The following CGGBP1 variants were observed in gnomAD, a reference collection of about 807,000 sequenced individuals.
The protein encoded by CGGBP1 is CGG triplet repeat binding protein 1.
A neutral mutation model predicts 11.4 loss-of-function variants in CGGBP1; 4 were observed. That is an observed-to-expected ratio of 0.35 (90% CI 0.17 to 0.80). CGGBP1 has a LOEUF of 0.80. Among genes scored for constraint, CGGBP1 ranks in the 30% least tolerant of loss-of-function variants. CGGBP1 has a pLI of 0.52. For synonymous variants in CGGBP1, 76 were observed against 74.1 expected, an observed-to-expected ratio of 1.03 and a Z score of -0.13; for missense variants, 135 against 202.1, an observed-to-expected ratio of 0.67 and a Z score of 2.01.
chr3:88,079,629 A>G (rs892461864), intron 2 of CGGBP1, among the ~76,000 whole-genome samples: 2 of 152,030 alleles, frequency 1.3e-5, no homozygotes, highest in Non-Finnish European at 2.9e-5. Flanking sequence ...TGATACTGTA[A>G]TGGGTATTTT....
intron 2 of CGGBP1, among the ~76,000 whole-genome samples, chr3:88,067,622 A>T (rs1707274987): frequency 6.6e-6 from 1 of 152,236 alleles, no homozygotes; most frequent in Non-Finnish European, 1.5e-5. Context: ...ACAAAAGGCA[A>T]GGAAAGAGAA....
chr3:88,072,784 C>T (rs1426772025), intron 2 of CGGBP1, among the ~76,000 whole-genome samples: 1 of 152,064 alleles, frequency 6.6e-6, no homozygotes, highest in Non-Finnish European at 1.5e-5. Flanking sequence ...GAACTTGGTA[C>T]ACAGTAGGCA....
chr3:88,057,356 T>G (rs74898282), intron 2 of CGGBP1, 64 bp from the exon 3 acceptor site: 1 of 138,696 alleles, frequency 7.2e-6, no homozygotes, highest in Non-Finnish European at 1.6e-5. Context: ...TTTTTTTTTT[T>G]AAGTGCACAG....
intron 2 of CGGBP1, among the ~76,000 whole-genome samples, chr3:88,094,493 T>C (rs1487081112): frequency 1.3e-5 from 2 of 152,144 alleles, no homozygotes; most frequent in Admixed American, 1.3e-4. Context: ...TTAGTATTTA[T>C]ATCAGAATCT....
chr3:88,134,017 C>G (rs865968612), intron 2 of CGGBP1, among the ~76,000 whole-genome samples: 2 of 151,268 alleles, frequency 1.3e-5, no homozygotes, highest in Non-Finnish European at 3.0e-5. Flanking sequence ...ATTGAAACAC[C>G]CAGGCATGAA....
chr3:88,095,731 C>T (rs1011228863), intron 2 of CGGBP1: 16 of 391,266 alleles, frequency 4.1e-5, no homozygotes, highest in African/African-American at 3.5e-4. Context: ...GACTTCTCCC[C>T]AGGCTTGTTA....
chr3:88,124,746 G>A (rs188895045), intron 2 of CGGBP1, among the ~76,000 whole-genome samples: 2 of 147,160 alleles, frequency 1.4e-5, no homozygotes, highest in Non-Finnish European at 3.0e-5. Context: ...GCAATTGCTT[G>A]TGTTTTGATT....
intron 2 of CGGBP1, among the ~76,000 whole-genome samples, chr3:88,066,734 G>A (rs1707222296): frequency 1.3e-5 from 2 of 152,048 alleles, no homozygotes; most frequent in South Asian, 4.1e-4. Flanking sequence ...TGTTGTTACT[G>A]GCACTGAATT....
chr3:88,124,103 A>G (rs1447476878), intron 2 of CGGBP1, among the ~76,000 whole-genome samples: 4 of 152,246 alleles, frequency 2.6e-5, no homozygotes, highest in Admixed American at 2.6e-4. Context: ...ATGCCCTAAA[A>G]TAAGATATTT....
At chr3:88,092,307 T>C (rs1389821574) in intron 2 of CGGBP1, among the ~76,000 whole-genome samples, 5 of 152,182 alleles carry the variant, frequency 3.3e-5, no homozygotes, top group Non-Finnish European at 5.9e-5. Context: ...AGGGATAAAA[T>C]AGAATATAAG....
At chr3:88,139,893 C>T in intron 2 of CGGBP1, 1 of 1,612,472 alleles carries the variant, frequency 6.2e-7, no homozygotes, top group Non-Finnish European at 8.5e-7. Context: ...TGCCACAGAT[C>T]AAGAAGGAAA....
chr3:88,086,380 T>G, intron 2 of CGGBP1: 1 of 1,534,194 alleles, frequency 6.5e-7, no homozygotes, highest in East Asian at 2.4e-5. Context: ...GCATGTACAA[T>G]ATGTTTTGAG....
chr3:88,135,967 A>G (rs776747099), intron 2 of CGGBP1, among the ~76,000 whole-genome samples: 77 of 152,098 alleles, frequency 5.1e-4, no homozygotes, highest in Admixed American at 1.0e-3. Flanking sequence ...TACATTCATT[A>G]TCACATCACT....
intron 2 of CGGBP1, among the ~76,000 whole-genome samples, chr3:88,104,750 AAAG>A (rs993889260): frequency 6.6e-6 from 1 of 152,224 alleles, no homozygotes; most frequent in East Asian, 1.9e-4. Flanking sequence ...GCTCAGTCCC[AAAG>A]AAGGAGGAAG....
chr3:88,133,448 G>T (rs1448506298), intron 2 of CGGBP1, among the ~76,000 whole-genome samples: 2 of 152,150 alleles, frequency 1.3e-5, no homozygotes, highest in Non-Finnish European at 2.9e-5. Flanking sequence ...CATATGATAG[G>T]CATGAAATCA....
upstream of CGGBP1, among the ~76,000 whole-genome samples, chr3:88,063,770 T>C (rs539020747): frequency 1.1e-4 from 16 of 152,272 alleles, no homozygotes; most frequent in African/African-American, 3.4e-4. Context: ...GAATAGATAG[T>C]GTAGGGATGG....
intron 2 of CGGBP1, among the ~76,000 whole-genome samples, chr3:88,117,793 A>G (rs547633623): frequency 6.6e-6 from 1 of 152,262 alleles, no homozygotes; most frequent in African/African-American, 2.4e-5. Flanking sequence ...TTGGGCATCT[A>G]TGCGGAAATA....
At chr3:88,070,621 T>TTATATAC (rs1335804127) in intron 2 of CGGBP1, among the ~76,000 whole-genome samples, 1 of 150,684 alleles carries the variant, frequency 6.6e-6, no homozygotes, top group African/African-American at 2.5e-5. Context: ...CCATTTAATT[T>TTATATAC]TATATACTCT....
intron 2 of CGGBP1, among the ~76,000 whole-genome samples, chr3:88,087,920 G>A (rs547577582): frequency 3.3e-5 from 5 of 152,240 alleles, no homozygotes; most frequent in South Asian, 2.1e-4. Context: ...AACTCTTTGA[G>A]TGCTAACGTG....
Sources: gnomAD v4.1 joint callset for allele counts (sites outside exome capture counted in the v4.1 genomes callset) on GRCh38, gnomAD v4.1.1 for gene constraint, MANE v1.5 for transcripts, NCBI Gene and HGNC (gene_info 2026-07-23, HGNC 2026-07-21) for gene names.